The following NFIL3 variants were observed in gnomAD, a reference collection of about 807,000 sequenced individuals.
The protein encoded by NFIL3 is nuclear factor, interleukin 3 regulated.
In NFIL3, 5 loss-of-function variants were observed where a neutral mutation model predicts 10.0. The observed-to-expected ratio is 0.50, with a 90% CI of 0.26 to 1.06. NFIL3 has a LOEUF of 1.06. NFIL3 is among the 50% of genes least tolerant of loss of function. The pLI is 0.13. For missense variants in NFIL3, 436 were observed against 547.6 expected (o/e 0.80, Z 2.03); for synonymous variants, 202 against 206.5 (o/e 0.98, Z 0.19).
At chr9:91,457,283 T>G in the NFIL3 span, among the ~76,000 whole-genome samples, 8 of 152,100 alleles carry the variant, frequency 5.3e-5, no homozygotes, top group African/African-American at 1.9e-4. Flanking sequence ...TATTGTGATC[T>G]CATTGAATTT....
At chr9:91,437,011 G>T in the NFIL3 span, among the ~76,000 whole-genome samples, 1 of 152,186 alleles carries the variant, frequency 6.6e-6, no homozygotes, top group Non-Finnish European at 1.5e-5. Flanking sequence ...CTCATAAGGA[G>T]TGCGCAACCT....
chr9:91,424,382 C>T (rs1833841003), upstream of NFIL3, among the ~76,000 whole-genome samples: 1 of 152,222 alleles, frequency 6.6e-6, no homozygotes, highest in Non-Finnish European at 1.5e-5. Flanking sequence ...TCCCCTTCCC[C>T]GCACACTCCC....
chr9:91,456,839 G>A, the NFIL3 span, among the ~76,000 whole-genome samples: 2 of 151,894 alleles, frequency 1.3e-5, no homozygotes, highest in Non-Finnish European at 2.9e-5. Flanking sequence ...TTACATTTAG[G>A]TCTGTGATCC....
chr9:91,464,739 C>G, the NFIL3 span, among the ~76,000 whole-genome samples: 1 of 152,058 alleles, frequency 6.6e-6, no homozygotes, highest in African/African-American at 2.4e-5. Context: ...CTTAGGGAGT[C>G]TTTATCTCTG....
At chr9:91,472,586 A>G in the NFIL3 span, among the ~76,000 whole-genome samples, 1 of 152,012 alleles carries the variant, frequency 6.6e-6, no homozygotes, top group Non-Finnish European at 1.5e-5. Flanking sequence ...TATGCTGTTT[A>G]TTCTAGTTAG....
chr9:91,483,466 C>T, the NFIL3 span, among the ~76,000 whole-genome samples: 1 of 152,166 alleles, frequency 6.6e-6, no homozygotes, highest in African/African-American at 2.4e-5. Context: ...ACCAGGAACA[C>T]ACAGTCAGTT....
At chr9:91,471,144 TGTGGAA>T in the NFIL3 span, among the ~76,000 whole-genome samples, 1 of 152,178 alleles carries the variant, frequency 6.6e-6, no homozygotes, top group Non-Finnish European at 1.5e-5. Flanking sequence ...ATTATTATTG[TGTGGAA>T]GTCTAAGTCT....
At chr9:91,425,661 C>A (rs1833865174), upstream of NFIL3, among the ~76,000 whole-genome samples, 1 of 152,178 alleles carries the variant, frequency 6.6e-6, no homozygotes, top group African/African-American at 2.4e-5. Context: ...TATAATAATT[C>A]AAGATGTGGT....
At chr9:91,468,693 C>T in the NFIL3 span, among the ~76,000 whole-genome samples, 2 of 152,108 alleles carry the variant, frequency 1.3e-5, no homozygotes, top group Admixed American at 1.3e-4. Context: ...AGTCTTTAAT[C>T]CATCTTGAAT....
the NFIL3 span, among the ~76,000 whole-genome samples, chr9:91,471,486 C>CTTTTTTT: frequency 7.6e-6 from 1 of 132,080 alleles, no homozygotes; most frequent in African/African-American, 2.8e-5. Context: ...CAGTCTGTGT[C>CTTTTTTT]TTTTTTTTTT....
At chr9:91,437,913 CA>C in the NFIL3 span, among the ~76,000 whole-genome samples, 1 of 152,204 alleles carries the variant, frequency 6.6e-6, no homozygotes, top group Non-Finnish European at 1.5e-5. Flanking sequence ...TGTATCTCTA[CA>C]GACACACAGG....
At chr9:91,479,811 C>T in the NFIL3 span, among the ~76,000 whole-genome samples, 4 of 152,228 alleles carry the variant, frequency 2.6e-5, no homozygotes, top group African/African-American at 4.8e-5. Flanking sequence ...TCCTGGTCTG[C>T]GGGTTGCAAA....
chr9:91,472,517 G>A, the NFIL3 span, among the ~76,000 whole-genome samples: 2 of 152,136 alleles, frequency 1.3e-5, no homozygotes, highest in Admixed American at 6.5e-5. Context: ...GCTTGTGCAT[G>A]TGTCACGTAG....
intron 1 of NFIL3, among the ~76,000 whole-genome samples, chr9:91,414,079 T>G (rs1384939564): frequency 6.6e-6 from 1 of 152,222 alleles, no homozygotes; most frequent in East Asian, 1.9e-4. Flanking sequence ...CTATTTCTAT[T>G]TAACTGAAAT....
the NFIL3 span, among the ~76,000 whole-genome samples, chr9:91,473,908 A>G: frequency 6.6e-6 from 1 of 152,136 alleles, no homozygotes; most frequent in African/African-American, 2.4e-5. Flanking sequence ...AAGACAGTCT[A>G]TTTCTTCCCT....
the NFIL3 span, among the ~76,000 whole-genome samples, chr9:91,465,233 C>G: frequency 2.0e-5 from 3 of 151,804 alleles, no homozygotes; most frequent in East Asian, 5.8e-4. Flanking sequence ...TATACACTGC[C>G]CATTTTGATA....
intron 1 of NFIL3, among the ~76,000 whole-genome samples, chr9:91,413,642 G>T (rs1833599072): frequency 2.6e-5 from 4 of 152,192 alleles, no homozygotes; most frequent in Admixed American, 2.6e-4. Flanking sequence ...TCTTTCCTCT[G>T]TTGAAGTCTG....
At chr9:91,443,710 T>C in the NFIL3 span, among the ~76,000 whole-genome samples, 1 of 152,118 alleles carries the variant, frequency 6.6e-6, no homozygotes, top group African/African-American at 2.4e-5. Context: ...GTAGCTGTGG[T>C]TGGGTGGCTG....
At chr9:91,447,494 T>C in the NFIL3 span, among the ~76,000 whole-genome samples, 1 of 152,250 alleles carries the variant, frequency 6.6e-6, no homozygotes, top group African/African-American at 2.4e-5. Flanking sequence ...TGCTAACATA[T>C]GTTATTTTCC....
Sources: gnomAD v4.1 joint callset for allele counts (sites outside exome capture counted in the v4.1 genomes callset) on GRCh38, gnomAD v4.1.1 for gene constraint, MANE v1.5 for transcripts, NCBI Gene and HGNC (gene_info 2026-07-23, HGNC 2026-07-21) for gene names.